The following ETV6 variants were observed in gnomAD, a reference collection of about 807,000 sequenced individuals.
ETV6 encodes transcription factor ETV6.
ETV6 carries 16 observed loss-of-function variants against 51.1 expected under a neutral mutation model. The observed-to-expected ratio is 0.31, with a 90% CI of 0.21 to 0.48. The LOEUF is 0.48. ETV6 is among the 20% of genes least tolerant of loss of function. The pLI, the probability that ETV6 is intolerant of heterozygous loss-of-function variation, is 0.99. For synonymous variants in ETV6, 240 were observed against 224.1 expected, an observed-to-expected ratio of 1.07 and a Z score of -0.64; for missense variants, 458 against 594.8, an observed-to-expected ratio of 0.77 and a Z score of 2.39.
At chr12:11,878,202 C>G (rs540187355) in intron 5 of ETV6, among the ~76,000 whole-genome samples, 1 of 152,314 alleles carries the variant, frequency 6.6e-6, no homozygotes, top group East Asian at 1.9e-4. Context: ...GGCTGAGTCA[C>G]TGCATTTGAT....
chr12:11,887,496 T>G (rs1023237475), intron 7 of ETV6, among the ~76,000 whole-genome samples: 1 of 151,998 alleles, frequency 6.6e-6, no homozygotes, highest in Non-Finnish European at 1.5e-5. Context: ...ACACCTGTAA[T>G]CCCAGCACTT....
chr12:11,879,480 G>A (rs924969537), intron 5 of ETV6, among the ~76,000 whole-genome samples: 4 of 152,170 alleles, frequency 2.6e-5, no homozygotes, highest in Admixed American at 6.5e-5. Flanking sequence ...TATACAATGA[G>A]TCTCTGGTAA....
intron 1 of ETV6, chr12:11,750,996 C>A: frequency 2.6e-6 from 1 of 381,304 alleles, no homozygotes; most frequent in South Asian, 2.0e-5. Flanking sequence ...GATATATGTG[C>A]CTGCCCTTCA....
intron 1 of ETV6, among the ~76,000 whole-genome samples, chr12:11,683,880 C>T (rs2120756368): frequency 6.6e-6 from 1 of 151,942 alleles, no homozygotes; most frequent in East Asian, 1.9e-4. Flanking sequence ...AGTTGCCTCC[C>T]AAACTTTTCT....
intron 1 of ETV6, among the ~76,000 whole-genome samples, chr12:11,662,009 C>A (rs572572940): frequency 6.6e-6 from 1 of 152,060 alleles, no homozygotes; most frequent in Admixed American, 6.5e-5. Flanking sequence ...TAACTTTCGC[C>A]GAGACAGGCA....
chr12:11,824,929 G>GC (rs1465828606), intron 2 of ETV6, among the ~76,000 whole-genome samples: 1 of 152,176 alleles, frequency 6.6e-6, no homozygotes, highest in Non-Finnish European at 1.5e-5. Context: ...CTGGAACCAT[G>GC]CCATTTCATA....
intron 4 of ETV6, among the ~76,000 whole-genome samples, chr12:11,857,371 C>T (rs900072425): frequency 1.7e-4 from 26 of 152,174 alleles, no homozygotes; most frequent in Non-Finnish European, 3.1e-4. Context: ...GATCATCATG[C>T]TAATTCAAAC....
chr12:11,813,294 G>A (rs1037861169), intron 2 of ETV6, among the ~76,000 whole-genome samples: 62 of 148,250 alleles, frequency 4.2e-4, no homozygotes, highest in African/African-American at 1.3e-3. Flanking sequence ...CAGCCCACCC[G>A]CCAGGGGCAC....
At chr12:11,775,859 A>G (rs1945316152) in intron 2 of ETV6, among the ~76,000 whole-genome samples, 1 of 152,226 alleles carries the variant, frequency 6.6e-6, no homozygotes, top group Non-Finnish European at 1.5e-5. Context: ...CATACACGTC[A>G]ATATGTTATT....
intron 3 of ETV6, among the ~76,000 whole-genome samples, chr12:11,848,436 C>G (rs2136480777): frequency 6.6e-6 from 1 of 152,202 alleles, no homozygotes; most frequent in East Asian, 1.9e-4. Flanking sequence ...TGTTCTTGGT[C>G]CTCAGACATT....
chr12:11,717,321 T>A (rs1221349791), intron 1 of ETV6, among the ~76,000 whole-genome samples: 2 of 152,240 alleles, frequency 1.3e-5, no homozygotes, highest in African/African-American at 4.8e-5. Flanking sequence ...CCTATTAGGA[T>A]GCGCAGGCGG....
At chr12:11,773,119 G>A (rs550849159) in intron 2 of ETV6, among the ~76,000 whole-genome samples, 10 of 151,502 alleles carry the variant, frequency 6.6e-5, no homozygotes, top group African/African-American at 9.7e-5. Flanking sequence ...GCGTGAACCC[G>A]GGAGGCAGAG....
intron 1 of ETV6, among the ~76,000 whole-genome samples, chr12:11,675,150 C>T (rs1864398068): frequency 6.6e-6 from 1 of 152,168 alleles, no homozygotes; most frequent in Non-Finnish European, 1.5e-5. Flanking sequence ...AGTGAGAACA[C>T]CAGGATGTGT....
chr12:11,879,575 A>G (rs1467736553), intron 5 of ETV6, among the ~76,000 whole-genome samples: 1 of 152,214 alleles, frequency 6.6e-6, no homozygotes, highest in Non-Finnish European at 1.5e-5. Context: ...TACCGAGGGT[A>G]CCTCACCCAG....
intron 1 of ETV6, among the ~76,000 whole-genome samples, chr12:11,740,427 A>G (rs980069045): frequency 5.3e-5 from 8 of 152,134 alleles, no homozygotes; most frequent in Non-Finnish European, 4.4e-5. Flanking sequence ...CCCTAGTAAG[A>G]CTTGATGCTG....
At chr12:11,804,865 CTTTTCT>C (rs1945805830) in intron 2 of ETV6, among the ~76,000 whole-genome samples, 1 of 152,172 alleles carries the variant, frequency 6.6e-6, no homozygotes, top group Non-Finnish European at 1.5e-5. Flanking sequence ...ACTCCAGAGT[CTTTTCT>C]TTTGGGAAGG....
chr12:11,809,649 C>T (rs1431693282), intron 2 of ETV6, among the ~76,000 whole-genome samples: 1 of 152,108 alleles, frequency 6.6e-6, no homozygotes, highest in Non-Finnish European at 1.5e-5. Flanking sequence ...TCGTAGTTTA[C>T]TTCCTGCTGC....
At chr12:11,711,981 T>C (rs940742859) in intron 1 of ETV6, among the ~76,000 whole-genome samples, 6 of 152,228 alleles carry the variant, frequency 3.9e-5, no homozygotes, top group Admixed American at 1.3e-4. Flanking sequence ...CTTTTTTCTG[T>C]GTTTTTTAGT....
intron 1 of ETV6, among the ~76,000 whole-genome samples, chr12:11,699,789 C>A (rs1864944500): frequency 6.6e-6 from 1 of 152,192 alleles, no homozygotes; most frequent in African/African-American, 2.4e-5. Context: ...GTCCTCCCAG[C>A]TGGAGGACCT....
Sources: allele counts gnomAD v4.1 joint callset (sites outside exome capture counted in the v4.1 genomes callset), GRCh38; gene constraint gnomAD v4.1.1; transcripts MANE v1.5; gene names NCBI Gene and HGNC (gene_info 2026-07-23, HGNC 2026-07-21).